The following RIT2 variants were observed in gnomAD, a reference collection of about 807,000 sequenced individuals.
RIT2 encodes the protein GTP-binding protein Rit2.
In RIT2, 24 loss-of-function variants were observed where a neutral mutation model predicts 23.7. The observed-to-expected ratio is 1.01, with a 90% CI of 0.73 to 1.43. The LOEUF (loss-of-function observed/expected upper bound fraction) is 1.43. RIT2 is among the 40% of genes most tolerant of loss of function. The pLI is 0.00. For synonymous variants in RIT2, 107 were observed against 91.1 expected (o/e 1.17, Z -0.99); for missense variants, 236 against 266.9 (o/e 0.88, Z 0.81).
chr18:42,943,492 T>A (rs1434575613), intron 3 of RIT2, among the ~76,000 whole-genome samples: 1 of 152,098 alleles, frequency 6.6e-6, no homozygotes, highest in Non-Finnish European at 1.5e-5. Flanking sequence ...ACTTATTCCT[T>A]GATTTATCCC....
intron 4 of RIT2, among the ~76,000 whole-genome samples, chr18:42,913,196 C>CAA (rs1491263958): frequency 8.1e-6 from 1 of 123,034 alleles, no homozygotes; most frequent in African/African-American, 3.6e-5. Flanking sequence ...CATCCATCAG[C>CAA]CAAAAAAAAA....
chr18:42,919,436 G>A (rs576899814), intron 4 of RIT2, among the ~76,000 whole-genome samples: 15 of 152,216 alleles, frequency 9.9e-5, no homozygotes, highest in South Asian at 2.1e-4. Flanking sequence ...CAGTTTGGCC[G>A]GGCGCAGTAG....
chr18:42,910,597 G>A (rs894884456), intron 4 of RIT2, among the ~76,000 whole-genome samples: 4 of 152,216 alleles, frequency 2.6e-5, no homozygotes, highest in South Asian at 4.1e-4. Flanking sequence ...GTGGCAAAGC[G>A]GCAGAGCTGC....
chr18:43,073,426 G>A (rs919118487), intron 1 of RIT2, among the ~76,000 whole-genome samples: 7 of 152,156 alleles, frequency 4.6e-5, no homozygotes, highest in African/African-American at 9.7e-5. Context: ...TCCTTTGGAT[G>A]TATCTGGTGT....
At chr18:43,020,790 G>A (rs1911577670) in intron 2 of RIT2, among the ~76,000 whole-genome samples, 1 of 152,030 alleles carries the variant, frequency 6.6e-6, no homozygotes, top group Admixed American at 6.6e-5. Flanking sequence ...AAATGGTGCT[G>A]GAAAAACTAG....
chr18:42,807,101 G>A (rs1328457253), intron 4 of RIT2, among the ~76,000 whole-genome samples: 1 of 151,876 alleles, frequency 6.6e-6, no homozygotes, highest in African/African-American at 2.4e-5. Flanking sequence ...TGTGGCATTG[G>A]CCTTTCAAAT....
chr18:42,965,008 A>T (rs1272849070), intron 3 of RIT2, among the ~76,000 whole-genome samples: 1 of 152,198 alleles, frequency 6.6e-6, no homozygotes, highest in African/African-American at 2.4e-5. Context: ...ACTGAGAGCT[A>T]CCTTAACAAC....
intron 4 of RIT2, among the ~76,000 whole-genome samples, chr18:42,796,560 T>C (rs1905368743): frequency 6.6e-6 from 1 of 152,182 alleles, no homozygotes. Context: ...GACAGACTAA[T>C]ACAGTGAATT....
intron 1 of RIT2, among the ~76,000 whole-genome samples, chr18:43,071,917 T>C (rs1267441588): frequency 6.6e-6 from 1 of 152,182 alleles, no homozygotes; most frequent in East Asian, 1.9e-4. Flanking sequence ...TGAATCTCAC[T>C]ATTATCAAAA....
At chr18:42,809,214 G>T (rs531565413) in intron 4 of RIT2, among the ~76,000 whole-genome samples, 1 of 152,244 alleles carries the variant, frequency 6.6e-6, no homozygotes, top group Non-Finnish European at 1.5e-5. Flanking sequence ...GAAACTCAGA[G>T]AAAATCACAG....
chr18:43,011,044 C>A (rs1449424382), intron 2 of RIT2, among the ~76,000 whole-genome samples: 2 of 151,672 alleles, frequency 1.3e-5, no homozygotes, highest in African/African-American at 2.4e-5. Flanking sequence ...AAATGTTATA[C>A]AGAAAATTTT....
chr18:43,106,976 A>G (rs1176958757), intron 1 of RIT2, among the ~76,000 whole-genome samples: 2 of 152,190 alleles, frequency 1.3e-5, no homozygotes, highest in Non-Finnish European at 2.9e-5. Flanking sequence ...GGGCTTTGCA[A>G]ATAGCCAGAT....
At chr18:43,090,318 G>A (rs1384939012) in intron 1 of RIT2, among the ~76,000 whole-genome samples, 2 of 152,102 alleles carry the variant, frequency 1.3e-5, no homozygotes, top group Non-Finnish European at 2.9e-5. Context: ...AAATCACAAT[G>A]AGATACCATC....
At chr18:43,085,323 T>TC (rs983080292) in intron 1 of RIT2, among the ~76,000 whole-genome samples, 5 of 152,136 alleles carry the variant, frequency 3.3e-5, no homozygotes, top group African/African-American at 4.8e-5. Context: ...ATCTATTACC[T>TC]CACAACCTTA....
chr18:43,033,582 A>AT (rs1911906390), intron 2 of RIT2, among the ~76,000 whole-genome samples: 3 of 152,138 alleles, frequency 2.0e-5, no homozygotes. Flanking sequence ...ACCACCATTT[A>AT]CCAGAAAGAA....
intron 1 of RIT2, among the ~76,000 whole-genome samples, chr18:43,053,116 A>G (rs971696651): frequency 1.3e-5 from 2 of 152,084 alleles, no homozygotes; most frequent in African/African-American, 4.8e-5. Flanking sequence ...CTTTGAAGTC[A>G]GGGTACCAGG....
At chr18:43,075,673 A>T (rs1311807980) in intron 1 of RIT2, among the ~76,000 whole-genome samples, 1 of 152,136 alleles carries the variant, frequency 6.6e-6, no homozygotes, top group Non-Finnish European at 1.5e-5. Context: ...TATTTTTAGC[A>T]TCATTTAATT....
intron 2 of RIT2, among the ~76,000 whole-genome samples, chr18:42,975,577 GC>G (rs1193641346): frequency 1.3e-5 from 2 of 152,064 alleles, no homozygotes; most frequent in African/African-American, 4.8e-5. Context: ...AGTGATAATG[GC>G]AAGGTTAAGG....
intron 4 of RIT2, among the ~76,000 whole-genome samples, chr18:42,752,551 C>T (rs1913071018): frequency 6.6e-6 from 1 of 152,100 alleles, no homozygotes; most frequent in Non-Finnish European, 1.5e-5. Context: ...CCATTAAGCA[C>T]CGCTTCCCTT....
Sources: gnomAD v4.1 joint callset for allele counts (sites outside exome capture counted in the v4.1 genomes callset) on GRCh38, gnomAD v4.1.1 for gene constraint, MANE v1.5 for transcripts, NCBI Gene and HGNC (gene_info 2026-07-23, HGNC 2026-07-21) for gene names.